ACAP2: variants seen among roughly 807,000 people sequenced by gnomAD.
The protein encoded by ACAP2 is arf-GAP with coiled-coil, ANK repeat and PH domain-containing protein 2.
A neutral mutation model predicts 115.8 loss-of-function variants in ACAP2; 39 were observed. The ratio of observed to expected loss-of-function variants is 0.34; its 90% CI spans 0.26 to 0.44. ACAP2 has a LOEUF of 0.44. Ranked by LOEUF, ACAP2 falls within the 20% of genes least tolerant of loss-of-function variation. The probability of loss-of-function intolerance (pLI) is 1.00; values close to 1 mark genes in which losing one functional copy is unlikely to be tolerated. For missense variants in ACAP2, 662 were observed against 927.6 expected (o/e 0.71, Z 3.72); for synonymous variants, 289 against 315.8 (o/e 0.92, Z 0.90).
intron 4 of ACAP2, among the ~76,000 whole-genome samples, chr3:195,377,425 A>G (rs1733628100): frequency 1.3e-5 from 2 of 152,026 alleles, no homozygotes; most frequent in African/African-American, 4.8e-5. Context: ...GATTACAGGT[A>G]TGAGCCACCA....
At chr3:195,289,663 G>C (rs112861509) in intron 20 of ACAP2, among the ~76,000 whole-genome samples, 1 of 151,554 alleles carries the variant, frequency 6.6e-6, no homozygotes, top group African/African-American at 2.4e-5. Context: ...AAACATAGCC[G>C]GGTGTGGTGG....
intron 1 of ACAP2, among the ~76,000 whole-genome samples, chr3:195,407,182 G>A (rs1290406517): frequency 7.2e-6 from 1 of 139,036 alleles, no homozygotes; most frequent in African/African-American, 2.8e-5. Flanking sequence ...TAAACTTATA[G>A]AAAGAACATT....
At chr3:195,317,712 A>C (rs1030681047) in intron 10 of ACAP2, among the ~76,000 whole-genome samples, 6 of 152,312 alleles carry the variant, frequency 3.9e-5, no homozygotes, top group African/African-American at 1.4e-4. Flanking sequence ...CAACACCTTC[A>C]AAGTTTTTGG....
At chr3:195,392,465 G>A (rs941362032) in intron 1 of ACAP2, among the ~76,000 whole-genome samples, 2 of 152,180 alleles carry the variant, frequency 1.3e-5, no homozygotes, top group Non-Finnish European at 2.9e-5. Context: ...AAAAGTTGAG[G>A]TGTACAAAGA....
chr3:195,393,196 C>T (rs1052319995), intron 1 of ACAP2, among the ~76,000 whole-genome samples: 1 of 152,206 alleles, frequency 6.6e-6, no homozygotes, highest in Admixed American at 6.5e-5. Flanking sequence ...ATGAGCCAGG[C>T]GTGGTGGCTC....
intron 5 of ACAP2, among the ~76,000 whole-genome samples, chr3:195,343,781 T>C (rs1435402796): frequency 6.6e-6 from 1 of 152,216 alleles, no homozygotes; most frequent in Non-Finnish European, 1.5e-5. Context: ...ACTAGGGAGC[T>C]AGGTAAAATA....
intron 4 of ACAP2, among the ~76,000 whole-genome samples, chr3:195,371,569 T>C (rs932834819): frequency 2.0e-5 from 3 of 152,206 alleles, no homozygotes; most frequent in African/African-American, 7.2e-5. Context: ...CTGACTGCTC[T>C]GGCCAGGACT....
At chr3:195,436,607 T>G in intron 1 of ACAP2, among the ~76,000 whole-genome samples, 1 of 152,302 alleles carries the variant, frequency 6.6e-6, no homozygotes, top group South Asian at 2.1e-4. Context: ...TATAGTTGAA[T>G]CATCCCTGAA....
intron 7 of ACAP2, among the ~76,000 whole-genome samples, chr3:195,333,812 T>C (rs866110653): frequency 9.9e-5 from 15 of 152,144 alleles, no homozygotes; most frequent in Admixed American, 4.6e-4. Context: ...AAGAGAAATA[T>C]AAAGTGCTCA....
chr3:195,418,471 C>T (rs1451751543), intron 1 of ACAP2, among the ~76,000 whole-genome samples: 5 of 152,186 alleles, frequency 3.3e-5, no homozygotes, highest in Admixed American at 2.6e-4. Context: ...CTTGCCAGGG[C>T]AGGGGTGCGG....
chr3:195,370,366 C>CA (rs1270903621), intron 4 of ACAP2, among the ~76,000 whole-genome samples: 1 of 152,028 alleles, frequency 6.6e-6, no homozygotes, highest in Non-Finnish European at 1.5e-5. Flanking sequence ...AGGGTTTTTA[C>CA]AGTTTTGGGT....
Position 195,317,070 on chromosome 3 carries a change from G to T in ACAP2, c.857+3631C>A, listed in dbSNP as rs150956659. On this transcript the variant is annotated intron_variant, in intron 10 of 22. Coordinates refer to ENST00000326793, the MANE Select transcript of ACAP2 (RefSeq NM_012287.6). ...ACACCACCACGCCAGGCTAATTTTT[G>T]TATTTTTAGTAGAGATGGGGTTTCA... 1.3e-3 allele frequency among the ~76,000 whole-genome samples: 193 copies of T among 150,954 alleles called. 3 individuals carry two copies. The South Asian group carries it at 0.021, about 17-fold the overall frequency.
intron 1 of ACAP2, among the ~76,000 whole-genome samples, chr3:195,423,345 G>A (rs972094840): frequency 3.9e-5 from 6 of 152,132 alleles, no homozygotes; most frequent in East Asian, 3.9e-4. Context: ...TATTTCGGCC[G>A]GGCATGGTGG....
chr3:195,424,261 G>GTGTATATATATATATATATA (rs1456909404), intron 1 of ACAP2, among the ~76,000 whole-genome samples: 1 of 54,656 alleles, frequency 1.8e-5, no homozygotes, highest in African/African-American at 6.8e-5. Flanking sequence ...GTGTGTGTGT[G>GTGTATATATATATATATATA]TATATATATA....
intron 4 of ACAP2, among the ~76,000 whole-genome samples, chr3:195,366,567 G>A (rs1222656579): frequency 6.6e-6 from 1 of 152,192 alleles, no homozygotes; most frequent in African/African-American, 2.4e-5. Flanking sequence ...TGGAGAATCT[G>A]AATCTGCATT....
intron 16 of ACAP2, among the ~76,000 whole-genome samples, chr3:195,296,107 C>T (rs1727642639): frequency 6.6e-6 from 1 of 151,904 alleles, no homozygotes; most frequent in African/African-American, 2.4e-5. Context: ...CAAACAGTAA[C>T]CTAACTGAAA....
Position 195,278,023 on chromosome 3 carries a change from G to A in ACAP2, c.*1305C>T, listed in dbSNP as rs983852400. 2 of 151,450 alleles carry A rather than the reference G, an allele frequency of 1.3e-5. No individual in the cohort carries two copies. Among genetic ancestry groups the A allele is most frequent in the African/African-American group, 4.9e-5 (2 of 41,160 alleles). The allele number at this position is 151,450 out of a possible 1,614,324, so 9.4% of individuals were successfully genotyped here. A position where few individuals can be genotyped will look rare whatever the true frequency, so the allele number is the denominator to read the frequency against. ...TTGAACCCAAGAGGAGGAGGCTGCAGTGAGCTGAGATCGTGCCACTGCACT... is the reference window on the plus strand; with the variant it reads ...TTGAACCCAAGAGGAGGAGGCTGCAATGAGCTGAGATCGTGCCACTGCACT... On this transcript the variant is annotated 3_prime_UTR_variant, in exon 23 of 23. Transcript: ENST00000326793.
chr3:195,393,615 A>T (rs1272009698), intron 1 of ACAP2, among the ~76,000 whole-genome samples: 1 of 152,198 alleles, frequency 6.6e-6, no homozygotes, highest in East Asian at 1.9e-4. Context: ...CAAACTATGC[A>T]TTGTCCCCTT....
At chr3:195,325,414 ATTTT>A (rs746254101) in intron 9 of ACAP2, 7,623 of 309,218 alleles carry the variant, frequency 0.025, no homozygotes, top group East Asian at 0.035. Context: ...TAGTGGACTG[ATTTT>A]TTTTTTTTTT....
Sources: gnomAD v4.1 joint callset for allele counts (sites outside exome capture counted in the v4.1 genomes callset) on GRCh38, gnomAD v4.1.1 for gene constraint, MANE v1.5 for transcripts, NCBI Gene and HGNC (gene_info 2026-07-23, HGNC 2026-07-21) for gene names.